The following RNF17 variants were observed in gnomAD, a reference collection of about 807,000 sequenced individuals.
The protein encoded by RNF17 is ring finger protein 17.
RNF17 carries 31 observed loss-of-function variants against 200.5 expected under a neutral mutation model. The ratio of observed to expected loss-of-function variants is 0.15; its 90% CI spans 0.12 to 0.21. The LOEUF is 0.21. Among genes scored for constraint, RNF17 ranks in the 10% least tolerant of loss-of-function variants. The pLI, the probability that RNF17 is intolerant of heterozygous loss-of-function variation, is 1.00. For synonymous variants in RNF17, 606 were observed against 637.8 expected, an observed-to-expected ratio of 0.95 and a Z score of 0.75; for missense variants, 1,628 against 1,905.1, an observed-to-expected ratio of 0.85 and a Z score of 2.71.
chr13:24,771,968 C>T (rs1445650783), intron 2 of RNF17, among the ~76,000 whole-genome samples: 1 of 152,166 alleles, frequency 6.6e-6, no homozygotes, highest in Non-Finnish European at 1.5e-5. Context: ...CGCACTATTG[C>T]ACTCCAGCCT....
intron 15 of RNF17, among the ~76,000 whole-genome samples, chr13:24,809,044 T>G (rs2137802201): frequency 6.6e-6 from 1 of 152,198 alleles, no homozygotes; most frequent in Middle Eastern, 3.4e-3. Flanking sequence ...GGATTCGGTT[T>G]GCCAGTATTT....
intron 2 of RNF17, among the ~76,000 whole-genome samples, chr13:24,769,253 A>G (rs539474703): frequency 1.3e-5 from 2 of 151,896 alleles, no homozygotes; most frequent in East Asian, 3.9e-4. Flanking sequence ...TACTTGTACT[A>G]TTTTTGGGAT....
chr13:24,797,708 G>GTGTGTGTC (rs1406486767), intron 11 of RNF17, among the ~76,000 whole-genome samples: 357 of 51,710 alleles, frequency 6.9e-3, no homozygotes, highest in African/African-American at 0.011. Flanking sequence ...GACAAAGAGT[G>GTGTGTGTC]TGTGTGTGTG....
At chr13:24,849,899 A>G (rs577571243) in intron 22 of RNF17, among the ~76,000 whole-genome samples, 1 of 152,250 alleles carries the variant, frequency 6.6e-6, no homozygotes, top group African/African-American at 2.4e-5. Context: ...TTTTCTTTCT[A>G]TTAAATATTT....
At chr13:24,877,580 A>C (rs1018670146) in intron 34 of RNF17, among the ~76,000 whole-genome samples, 3 of 152,178 alleles carry the variant, frequency 2.0e-5, no homozygotes, top group African/African-American at 7.2e-5. Flanking sequence ...AGAAATGATT[A>C]TTTGCATCTG....
intron 26 of RNF17, among the ~76,000 whole-genome samples, 188 bp from the exon 27 acceptor site, chr13:24,861,080 T>G (rs1387454490): frequency 6.6e-6 from 1 of 152,096 alleles, no homozygotes; most frequent in Non-Finnish European, 1.5e-5. Flanking sequence ...GGTCTTGCCG[T>G]GTTCCCAAGG....
chr13:24,826,428 G>A (rs1593357204), intron 16 of RNF17, among the ~76,000 whole-genome samples: 1 of 152,180 alleles, frequency 6.6e-6, no homozygotes, highest in African/African-American at 2.4e-5. Context: ...TTAACCCATT[G>A]TGTTGTTTCT....
Position 24,788,041 on chromosome 13 carries a change from A to G in RNF17, c.665A>G (p.Asn222Ser). The G allele has an allele frequency of 3.1e-6, 5 of 1,590,430 alleles. No homozygotes were observed. The highest frequency in any genetic ancestry group is 4.3e-6 in the Non-Finnish European group (5 of 1,173,024). Residue 222 changes from asparagine to serine, a missense_variant, in exon 7 of 36, where the codon AAT (asparagine) becomes AGT (serine). By Grantham distance (46) the Asn-to-Ser change is conservative. Around this residue, in one of 5 missense-constraint regions of RNF17, gnomAD observed 502 missense variants for 501.7 expected, o/e 1.00. Coordinates refer to ENST00000255324, the MANE Select transcript of RNF17 (RefSeq NM_031277.3). ...AGAACTACTGATGATTATCTATCAA[A>G]TTTAATAAAGGCTAAAAGCTACATT... ...FARTTDDYLS[N>S]LIKAKSYIEE...
Position 24,799,597 on chromosome 13 carries a change from A to G in RNF17, c.1589+13A>G. ...TGATTGTCACTGGGTATGATATTTT[A>G]TAATATGTATCCTTGGCCTGCTTAG... On this transcript the variant is annotated intron_variant, in intron 12 of 35. Coordinates refer to ENST00000255324, the MANE Select transcript of RNF17 (RefSeq NM_031277.3). 1 of 1,532,854 alleles carries G rather than the reference A, an allele frequency of 6.5e-7. No individual in the cohort carries two copies. The highest frequency in any genetic ancestry group is 9.0e-7 in the Non-Finnish European group (1 of 1,113,366). The allele number at this position is 1,532,854 out of a possible 1,614,324, so 95.0% of individuals were successfully genotyped here.
chr13:24,839,418 C>T (rs1332031920), intron 18 of RNF17, among the ~76,000 whole-genome samples: 1 of 152,124 alleles, frequency 6.6e-6, no homozygotes, highest in Non-Finnish European at 1.5e-5. Flanking sequence ...AAAGAGGCCA[C>T]ATAGCCAAAG....
At chr13:24,848,080 C>T (rs1263126393) in intron 22 of RNF17, among the ~76,000 whole-genome samples, 2 of 152,108 alleles carry the variant, frequency 1.3e-5, no homozygotes, top group African/African-American at 4.8e-5. Flanking sequence ...GTCTTAAAGA[C>T]ACTATTTCAC....
chr13:24,792,080 T>A (rs1389163784), intron 9 of RNF17, among the ~76,000 whole-genome samples: 1 of 152,216 alleles, frequency 6.6e-6, no homozygotes, highest in Non-Finnish European at 1.5e-5. Flanking sequence ...GACTTGACTT[T>A]ATGCTTACAT....
intron 23 of RNF17, 81 bp from the exon 24 acceptor site, chr13:24,851,374 GA>G: frequency 2.1e-6 from 2 of 930,326 alleles, no homozygotes. Context: ...AAATGTAGAA[GA>G]ACTGCCTGTG....
downstream of RNF17, chr13:24,882,387 C>T (rs759869824): frequency 6.6e-6 from 1 of 151,914 alleles, no homozygotes; most frequent in Non-Finnish European, 1.5e-5. Context: ...TCTATCTAGA[C>T]CAATCTGTAA....
Position 24,853,885 on chromosome 13 carries a change from A to G in RNF17, c.3351A>G (p.Leu1117=). The change falls in exon 25 of 36, where the codon TTA becomes TTG. Residue 1117 remains leucine, a synonymous_variant. Coordinates refer to ENST00000255324, the MANE Select transcript of RNF17 (RefSeq NM_031277.3). ...ATAACTTAGATAACAGCCATTCATT[A>G]TCTGAGAAGTCTCTGGAAGTCCCCC... ...RINNLDNSHS[L]SEKSLEVPLE... is the part of the protein sequence containing the mutation. The G allele has an allele frequency of 2.5e-6, 4 of 1,610,856 alleles. No homozygotes were observed. The highest frequency in any genetic ancestry group is 3.4e-6 in the Non-Finnish European group (4 of 1,178,742).
intron 18 of RNF17, among the ~76,000 whole-genome samples, chr13:24,839,504 A>G (rs1225909229): frequency 6.6e-6 from 1 of 152,214 alleles, no homozygotes; most frequent in Non-Finnish European, 1.5e-5. Flanking sequence ...GCCAGTCACC[A>G]AAACAGTGTG....
intron 17 of RNF17, 115 bp from the exon 18 acceptor site, chr13:24,831,743 A>G: frequency 1.2e-6 from 1 of 869,372 alleles, no homozygotes; most frequent in Non-Finnish European, 1.8e-6. Flanking sequence ...ATTATTTCTA[A>G]TATGTATGAA....
At chr13:24,813,777 G>T (rs1845601571) in intron 15 of RNF17, among the ~76,000 whole-genome samples, 1 of 141,036 alleles carries the variant, frequency 7.1e-6, no homozygotes, top group African/African-American at 2.7e-5. Flanking sequence ...CTGCAGGCAT[G>T]CAGCACAGCT....
the RNF17 span, among the ~76,000 whole-genome samples, chr13:24,756,145 T>C: frequency 6.6e-6 from 1 of 152,324 alleles, no homozygotes; most frequent in African/African-American, 2.4e-5. Context: ...TATCATACTT[T>C]TGATTGGTAA....
Sources: allele counts gnomAD v4.1 joint callset (sites outside exome capture counted in the v4.1 genomes callset), GRCh38; gene constraint gnomAD v4.1.1; regional missense constraint gnomAD v4.1.1; transcripts MANE v1.5; gene names NCBI Gene and HGNC (gene_info 2026-07-23, HGNC 2026-07-21).